ZNF395: variants seen among roughly 807,000 people sequenced by gnomAD.
ZNF395 encodes HD gene regulatory region-binding protein 2.
A neutral mutation model predicts 57.7 loss-of-function variants in ZNF395; 20 were observed. The observed-to-expected ratio is 0.35, with a 90% CI of 0.24 to 0.50. The LOEUF is 0.50. Ranked by LOEUF, ZNF395 falls within the 20% of genes least tolerant of loss-of-function variation. The pLI, the probability that ZNF395 is intolerant of heterozygous loss-of-function variation, is 0.97. For synonymous variants in ZNF395, 295 were observed against 275.9 expected, an observed-to-expected ratio of 1.07 and a Z score of -0.69; for missense variants, 606 against 671.2, an observed-to-expected ratio of 0.90 and a Z score of 1.07.
intron 1 of ZNF395, among the ~76,000 whole-genome samples, chr8:28,365,959 T>C (rs1225821658): frequency 1.3e-5 from 2 of 152,212 alleles, no homozygotes; most frequent in Non-Finnish European, 2.9e-5. Flanking sequence ...GCCCCCACAC[T>C]TGTGTGCGTG....
At position 28,356,322 on chromosome 8, in the gene ZNF395, C is replaced by T. The variant is rs1393561574; in HGVS notation, c.583+348G>A. Among the ~76,000 whole-genome samples, 1 of 152,206 alleles carries T rather than the reference C, an allele frequency of 6.6e-6. No individual in the cohort carries two copies. The highest frequency in any genetic ancestry group is 2.4e-5 in the African/African-American group (1 of 41,446). ...CACTAGGAGACCATTTAGCATATTG[C>T]TACTTTGTGAACTAAATATTCCTCT... On this transcript the variant is annotated intron_variant, in intron 4 of 9. Transcript: ENST00000344423. This position sits in a 1 kb window ranked among gnomAD's most constrained non-coding sequence, Gnocchi z 4.0.
intron 1 of ZNF395, among the ~76,000 whole-genome samples, chr8:28,385,638 G>C (rs1242120289): frequency 1.3e-5 from 2 of 148,994 alleles, no homozygotes; most frequent in Middle Eastern, 3.2e-3. Flanking sequence ...CGCGGGGCGC[G>C]GGAGGGCCGG....
rs1197309990 is a variant in ZNF395 at position 28,352,461 on chromosome 8, C to T, written c.920+112G>A. On this transcript the variant is annotated intron_variant, in intron 6 of 9. Coordinates refer to ENST00000344423, the MANE Select transcript of ZNF395 (RefSeq NM_018660.3). This position sits in a 1 kb window ranked among gnomAD's most constrained non-coding sequence, Gnocchi z 4.0. ...CCAGGAAGAGACACCAGGGGGTGTT[C>T]CCAGCAAGCCACGTTCCTGAAAGCA... 3 of 864,668 alleles carry T rather than the reference C, an allele frequency of 3.5e-6. No individual in the cohort carries two copies. Among genetic ancestry groups the T allele is most frequent in the African/African-American group, 1.7e-5 (1 of 60,060 alleles). 53.6% of individuals were successfully genotyped at this position (864,668 alleles called of 1,614,324 possible).
chr8:28,350,297 G>A lies in ZNF395; in HGVS notation c.1234-141C>T, dbSNP rs189826026. 134 of 710,804 alleles carry A rather than the reference G, an allele frequency of 1.9e-4. No homozygotes were observed. The African/African-American group carries it at 2.1e-3, about 11-fold the overall frequency. 44.0% of individuals were successfully genotyped at this position (710,804 alleles called of 1,614,324 possible). A position where few individuals can be genotyped will look rare whatever the true frequency, so the allele number is the denominator to read the frequency against. Reference sequence around the variant, plus strand: ...GACCAGAAAGAGCTGGGACACACTCGGCTTTCTCGAGGACAACACTGGAGT... The same window carrying A: ...GACCAGAAAGAGCTGGGACACACTCAGCTTTCTCGAGGACAACACTGGAGT... On this transcript the variant is annotated intron_variant, in intron 7 of 9. Coordinates refer to ENST00000344423, the MANE Select transcript of ZNF395 (RefSeq NM_018660.3).
rs1445537654 is a variant in ZNF395 at position 28,346,227 on chromosome 8, C to T, written c.*2492G>A. The T allele has an allele frequency of 6.6e-6, 1 of 152,176 alleles. No homozygotes were observed. Among genetic ancestry groups the T allele is most frequent in the Non-Finnish European group, 1.5e-5 (1 of 68,036 alleles). The allele number at this position is 152,176 out of a possible 1,614,324, so 9.4% of individuals were successfully genotyped here. A position where few individuals can be genotyped will look rare whatever the true frequency, so the allele number is the denominator to read the frequency against. ...GTCCCGTTAGTTTCTAAAAGCCCAC[C>T]TACGGCACCTTCCTTCCATCAGAGT... On this transcript the variant is annotated 3_prime_UTR_variant, in exon 10 of 10. Coordinates refer to ENST00000344423, the MANE Select transcript of ZNF395 (RefSeq NM_018660.3).
At chr8:28,364,935 A>C (rs1339559534) in intron 1 of ZNF395, among the ~76,000 whole-genome samples, 2 of 152,212 alleles carry the variant, frequency 1.3e-5, no homozygotes, top group Admixed American at 1.3e-4. Flanking sequence ...AGCCACTGTT[A>C]ATCATTTAGC....
At chr8:28,358,538 C>A (rs907902189) in intron 3 of ZNF395, among the ~76,000 whole-genome samples, 4 of 152,128 alleles carry the variant, frequency 2.6e-5, no homozygotes, top group African/African-American at 9.7e-5. Context: ...TGGACTCCAG[C>A]AATCCTCCTG....
At chr8:28,373,952 G>A (rs771731784) in intron 1 of ZNF395, among the ~76,000 whole-genome samples, 4 of 152,210 alleles carry the variant, frequency 2.6e-5, no homozygotes, top group African/African-American at 4.8e-5. Flanking sequence ...AGAACCCTAC[G>A]GCCCAGCAGT....
chr8:28,349,988 G>C, intron 8 of ZNF395, 76 bp downstream of exon 8: 1 of 1,359,474 alleles, frequency 7.4e-7, no homozygotes, highest in Non-Finnish European at 9.8e-7. Flanking sequence ...GTGCCCAAGG[G>C]ATGGCCTCCA....
chr8:28,347,236 G>A lies in ZNF395; in HGVS notation c.*1483C>T, dbSNP rs1218693832. On this transcript the variant is annotated 3_prime_UTR_variant, in exon 10 of 10. Transcript: ENST00000344423. ...GGGTGGATGCTGACACTCCATCCCA[G>A]GACAGGTGGCTGGGTAGGATTCCCT... is the stretch of plus-strand genomic sequence containing the variant. 6.6e-6 allele frequency: 1 copy of A among 152,246 alleles called. No homozygotes were observed. The highest frequency in any genetic ancestry group is 2.4e-5 in the African/African-American group (1 of 41,450). The allele number at this position is 152,246 out of a possible 1,614,324, so 9.4% of individuals were successfully genotyped here. A position where few individuals can be genotyped will look rare whatever the true frequency, so the allele number is the denominator to read the frequency against.
At position 28,353,239 on chromosome 8, in the gene ZNF395, A is replaced by G; in HGVS notation, c.753T>C (p.Thr251=). The G allele has an allele frequency of 5.3e-6, 8 of 1,505,922 alleles. No homozygotes were observed. The highest frequency in any genetic ancestry group is 7.2e-6 in the Non-Finnish European group (8 of 1,111,892). The allele number at this position is 1,505,922 out of a possible 1,614,324, so 93.3% of individuals were successfully genotyped here. The change falls in exon 5 of 10, where the codon ACT becomes ACC. Residue 251 remains threonine (T), a synonymous_variant. Transcript: ENST00000344423. ...CAGGATCGGTCTCAAAGCCATGATC[A>G]GTTTGGGGAGAACCAAAAGCATCCC... ...YLGDAFGSPQ[T]DHGFETDPDP... is the part of the protein sequence containing the mutation.
At chr8:28,380,421 C>T (rs994211847) in intron 1 of ZNF395, among the ~76,000 whole-genome samples, 3 of 152,204 alleles carry the variant, frequency 2.0e-5, no homozygotes, top group Admixed American at 6.5e-5. Flanking sequence ...CTCACTTCTG[C>T]GCCACTAACA....
Position 28,352,786 on chromosome 8 carries a change from C to A in ZNF395, c.820-113G>T. ...TGTCCCCGGCCTGACCCAACAAAAA[C>A]CTCCAGGAAAGGGGTTCTCTGGGAC... is the stretch of plus-strand genomic sequence containing the variant. On this transcript the variant is annotated intron_variant, in intron 5 of 9. Coordinates refer to ENST00000344423, the MANE Select transcript of ZNF395 (RefSeq NM_018660.3). The surrounding 1 kb of genome is among the most constrained non-coding windows in gnomAD (Gnocchi z 4.0). 1.2e-6 allele frequency: 1 copy of A among 867,724 alleles called. No homozygotes were observed. The highest frequency in any genetic ancestry group is 1.6e-5 in the South Asian group (1 of 61,956). 53.8% of individuals were successfully genotyped at this position (867,724 alleles called of 1,614,324 possible). A position where few individuals can be genotyped will look rare whatever the true frequency, so the allele number is the denominator to read the frequency against.
intron 8 of ZNF395, among the ~76,000 whole-genome samples, chr8:28,349,507 T>C (rs1231470123): frequency 4.6e-5 from 7 of 152,334 alleles, no homozygotes; most frequent in Admixed American, 3.3e-4. Context: ...GGAGCCGCTA[T>C]GCCTGGAAGC....
In ZNF395 at chr8:28,361,036, G is replaced by A. The variant is rs892796974; in HGVS notation, c.89C>T (p.Ala30Val). 1 of 1,610,784 alleles carries A rather than the reference G, an allele frequency of 6.2e-7. No individual in the cohort carries two copies. The highest frequency in any genetic ancestry group is 1.3e-5 in the African/African-American group (1 of 74,918). ...TAGCAGTGGCTCCGAGGGTGGGGCA[G>A]CCGAGGGCCCCTCCGAGGCACTGGG... ...LGPSASEGPS[A>V]APPSEPLLEG... Residue 30 changes from alanine (A) to valine (V), a missense_variant, in exon 2 of 10, where the codon GCT (alanine) becomes GTT (valine). Ala to Val is a moderately conservative substitution (Grantham distance 64). Coordinates refer to ENST00000344423, the MANE Select transcript of ZNF395 (RefSeq NM_018660.3).
intron 1 of ZNF395, among the ~76,000 whole-genome samples, chr8:28,377,291 C>A (rs1428547327): frequency 1.3e-5 from 2 of 152,222 alleles, no homozygotes; most frequent in East Asian, 3.9e-4. Flanking sequence ...ATAATCCCAG[C>A]ACTTTAGGAA....
At chr8:28,364,479 C>T (rs1801886174) in intron 1 of ZNF395, among the ~76,000 whole-genome samples, 2 of 151,964 alleles carry the variant, frequency 1.3e-5, no homozygotes, top group Non-Finnish European at 2.9e-5. Flanking sequence ...ATGGTGAAAC[C>T]CTATCTCTAC....
chr8:28,359,961 G>T lies in ZNF395; in HGVS notation c.241-137C>A. 1 of 1,391,764 alleles carries T rather than the reference G, an allele frequency of 7.2e-7. No individual in the cohort carries two copies. Among genetic ancestry groups the T allele is most frequent in the Non-Finnish European group, 9.5e-7 (1 of 1,049,012 alleles). The allele number at this position is 1,391,764 out of a possible 1,614,324, so 86.2% of individuals were successfully genotyped here. Reference sequence around the variant, plus strand: ...TCTGCCTCACTCATCTTTTATTCAAGCAGATGTTCCCAGGTACTCGCTTCC... The same window carrying T: ...TCTGCCTCACTCATCTTTTATTCAATCAGATGTTCCCAGGTACTCGCTTCC... On this transcript the variant is annotated intron_variant, in intron 2 of 9. Transcript: ENST00000344423. This position sits in a 1 kb window ranked among gnomAD's most constrained non-coding sequence, Gnocchi z 4.7.
At position 28,352,057 on chromosome 8, in the gene ZNF395, C is replaced by A. The variant is rs570177958; in HGVS notation, c.921-250G>T. ...GAACATGTGCCAACCTCTCCTCTGG[C>A]AGGAGGCATCCCACACTGAGCACGA... On this transcript the variant is annotated intron_variant, in intron 6 of 9. Coordinates refer to ENST00000344423, the MANE Select transcript of ZNF395 (RefSeq NM_018660.3). The surrounding 1 kb of genome is among the most constrained non-coding windows in gnomAD (Gnocchi z 4.0). Among the ~76,000 whole-genome samples the A allele has an allele frequency of 2.6e-5, 4 of 152,334 alleles. No homozygotes were observed. The highest frequency in any genetic ancestry group is 2.6e-4 in the Admixed American group (4 of 15,308).
Sources: allele counts gnomAD v4.1 joint callset (sites outside exome capture counted in the v4.1 genomes callset), GRCh38; gene constraint gnomAD v4.1.1; non-coding constraint Gnocchi (gnomAD v3.1); transcripts MANE v1.5; gene names NCBI Gene and HGNC (gene_info 2026-07-23, HGNC 2026-07-21).